The following KHDRBS2 variants were observed in gnomAD, a reference collection of about 807,000 sequenced individuals.
The protein encoded by KHDRBS2 is KH domain-containing, RNA-binding, signal transduction-associated protein 2.
KHDRBS2 carries 26 observed loss-of-function variants against 44.3 expected under a neutral mutation model. The ratio of observed to expected loss-of-function variants is 0.59; its 90% confidence interval spans 0.43 to 0.81. KHDRBS2 has a LOEUF of 0.81. Among genes scored for constraint, KHDRBS2 ranks in the 40% least tolerant of loss-of-function variants. The pLI is 0.00. For missense variants in KHDRBS2, 476 were observed against 433.1 expected (o/e 1.10, Z -0.88); for synonymous variants, 194 against 151.1 (o/e 1.28, Z -2.08).
intron 2 of KHDRBS2, among the ~76,000 whole-genome samples, chr6:62,133,092 G>A (rs1368101291): frequency 6.6e-6 from 1 of 152,110 alleles, no homozygotes; most frequent in Non-Finnish European, 1.5e-5. Flanking sequence ...AAATAAGGAT[G>A]ACTGTTATTA....
chr6:62,205,095 T>C (rs1189527602), intron 1 of KHDRBS2, among the ~76,000 whole-genome samples: 1 of 152,134 alleles, frequency 6.6e-6, no homozygotes, highest in African/African-American at 2.4e-5. Context: ...AAACTTGAAG[T>C]TCATCTTGTG....
At chr6:61,855,031 T>C (rs1795955351) in intron 6 of KHDRBS2, among the ~76,000 whole-genome samples, 3 of 152,102 alleles carry the variant, frequency 2.0e-5, no homozygotes. Context: ...ATGTTCAAAG[T>C]ATGTAAGAAT....
At chr6:62,242,095 T>G (rs176612) in intron 1 of KHDRBS2, among the ~76,000 whole-genome samples, 1 of 152,042 alleles carries the variant, frequency 6.6e-6, no homozygotes, top group Non-Finnish European at 1.5e-5. Flanking sequence ...AAAACAGGTA[T>G]TTAGCATCAT....
At chr6:61,544,877 C>T in the KHDRBS2 span, among the ~76,000 whole-genome samples, 2 of 151,914 alleles carry the variant, frequency 1.3e-5, no homozygotes, top group Non-Finnish European at 2.9e-5. Flanking sequence ...GGGAATTGAA[C>T]AATGAGAACA....
intron 4 of KHDRBS2, among the ~76,000 whole-genome samples, chr6:61,977,823 C>G (rs150577607): frequency 6.6e-6 from 1 of 152,026 alleles, no homozygotes; most frequent in African/African-American, 2.4e-5. Flanking sequence ...GACTATGAAC[C>G]GATGCATGGC....
intron 1 of KHDRBS2, among the ~76,000 whole-genome samples, chr6:62,245,566 T>C (rs1216245281): frequency 6.6e-6 from 1 of 152,112 alleles, no homozygotes. Flanking sequence ...CAATGTTTAT[T>C]TATATCTTTA....
intron 6 of KHDRBS2, among the ~76,000 whole-genome samples, chr6:61,875,860 ATATT>A (rs1411570905): frequency 6.6e-6 from 1 of 151,746 alleles, no homozygotes; most frequent in Non-Finnish European, 1.5e-5. Context: ...TTACCCTCTT[ATATT>A]TATTTATTAA....
intron 5 of KHDRBS2, among the ~76,000 whole-genome samples, chr6:61,896,176 C>T (rs1441553513): frequency 6.6e-6 from 1 of 152,128 alleles, no homozygotes; most frequent in African/African-American, 2.4e-5. Flanking sequence ...CCTCCAAGCA[C>T]ATTTCTGTTT....
chr6:61,873,634 G>GA (rs35126124), intron 6 of KHDRBS2, among the ~76,000 whole-genome samples: 120,248 of 146,190 alleles, frequency 0.82, 49,437 homozygotes, highest in East Asian at 0.9. Context: ...AGCAAAAAAA[G>GA]AAAAAAAAAA....
chr6:61,593,735 A>C, the KHDRBS2 span, among the ~76,000 whole-genome samples: 1 of 152,268 alleles, frequency 6.6e-6, no homozygotes, highest in Non-Finnish European at 1.5e-5. Flanking sequence ...GCCAAACCAA[A>C]GACAGTGTCT....
intron 6 of KHDRBS2, among the ~76,000 whole-genome samples, chr6:61,754,571 T>C (rs948412984): frequency 2.0e-5 from 3 of 151,906 alleles, no homozygotes; most frequent in African/African-American, 7.3e-5. Context: ...TATGCTTTTT[T>C]TTTTTTTTTT....
chr6:61,976,236 CAAGTA>C (rs1417803799), intron 4 of KHDRBS2, among the ~76,000 whole-genome samples: 1 of 152,064 alleles, frequency 6.6e-6, no homozygotes, highest in African/African-American at 2.4e-5. Context: ...GTCAAACTAT[CAAGTA>C]AATATTTATT....
chr6:62,263,535 A>G (rs1838709583), intron 1 of KHDRBS2, among the ~76,000 whole-genome samples: 1 of 151,862 alleles, frequency 6.6e-6, no homozygotes. Flanking sequence ...TCCCACTAGA[A>G]TAATTCATAT....
intron 2 of KHDRBS2, among the ~76,000 whole-genome samples, chr6:62,161,591 C>T (rs1817679293): frequency 7.5e-6 from 1 of 133,532 alleles, no homozygotes; most frequent in African/African-American, 3.0e-5. Flanking sequence ...GGGGGGGTCC[C>T]AGAACAAATC....
intron 6 of KHDRBS2, among the ~76,000 whole-genome samples, chr6:61,851,510 C>A (rs770825922): frequency 4.6e-5 from 7 of 152,026 alleles, no homozygotes; most frequent in Non-Finnish European, 1.0e-4. Context: ...GGGCCCTACT[C>A]CATTACGACT....
At chr6:61,600,273 A>T in the KHDRBS2 span, among the ~76,000 whole-genome samples, 26,020 of 151,982 alleles carry the variant, frequency 0.17, 2,456 homozygotes, top group East Asian at 0.29. Flanking sequence ...CTGAAAAATC[A>T]CAAAAGAAGT....
the KHDRBS2 span, among the ~76,000 whole-genome samples, chr6:61,633,846 T>G: frequency 3.2e-4 from 49 of 152,196 alleles, no homozygotes; most frequent in African/African-American, 1.1e-3. Context: ...TGTTCACTGA[T>G]GTTTATATCT....
chr6:61,545,836 G>C, the KHDRBS2 span, among the ~76,000 whole-genome samples: 2 of 152,000 alleles, frequency 1.3e-5, no homozygotes, highest in African/African-American at 4.8e-5. Flanking sequence ...TGACACCAGA[G>C]AGCTCTCTCA....
At chr6:61,622,427 G>C in the KHDRBS2 span, among the ~76,000 whole-genome samples, 2 of 152,124 alleles carry the variant, frequency 1.3e-5, no homozygotes, top group African/African-American at 4.8e-5. Flanking sequence ...CAAAGGAACT[G>C]CAAAAATTCA....
Sources: gnomAD v4.1 joint callset for allele counts (sites outside exome capture counted in the v4.1 genomes callset) on GRCh38, gnomAD v4.1.1 for gene constraint, MANE v1.5 for transcripts, NCBI Gene and HGNC (gene_info 2026-07-23, HGNC 2026-07-21) for gene names.